ZC3H7B: variants seen among roughly 807,000 people sequenced by gnomAD.
The protein encoded by ZC3H7B is zinc finger CCCH-type containing 7B.
Under a neutral mutation model 116.0 loss-of-function variants are expected in ZC3H7B, and 35 were observed. The ratio of observed to expected loss-of-function variants is 0.30; its 90% CI spans 0.23 to 0.40. The LOEUF (loss-of-function observed/expected upper bound fraction) is 0.40, where lower values mean the gene tolerates loss of function less well. ZC3H7B is among the 10% of genes least tolerant of loss of function. The probability of loss-of-function intolerance (pLI) is 1.00; values close to 1 mark genes in which losing one functional copy is unlikely to be tolerated. For synonymous variants in ZC3H7B, 502 were observed against 545.6 expected (o/e 0.92, Z 1.11); for missense variants, 1,011 against 1,321.5 (o/e 0.77, Z 3.64).
chr22:41,312,936 T>C (rs1444204162), intron 1 of ZC3H7B, among the ~76,000 whole-genome samples: 2 of 152,082 alleles, frequency 1.3e-5, no homozygotes, highest in African/African-American at 4.8e-5. Context: ...ATTGAGTACA[T>C]GTGTAGGGAT....
At chr22:41,353,930 G>A (rs2036682867) in intron 17 of ZC3H7B, among the ~76,000 whole-genome samples, 1 of 152,230 alleles carries the variant, frequency 6.6e-6, no homozygotes, top group African/African-American at 2.4e-5. Context: ...GGGCTTATGG[G>A]ACCTTTGAAA....
At chr22:41,332,365 G>A (rs2036394595) in intron 7 of ZC3H7B, 138 bp downstream of exon 7, 8 of 1,051,764 alleles carry the variant, frequency 7.6e-6, no homozygotes, top group Non-Finnish European at 1.4e-6. Flanking sequence ...CGTGTCCACG[G>A]GGGCAGGATG....
intron 1 of ZC3H7B, among the ~76,000 whole-genome samples, chr22:41,318,413 C>T (rs1193446299): frequency 6.6e-6 from 1 of 151,280 alleles, no homozygotes; most frequent in African/African-American, 2.4e-5. Flanking sequence ...CCTGTAGTCC[C>T]AACTACTCGG....
At chr22:41,356,941 T>A in intron 22 of ZC3H7B, 133 bp downstream of exon 22, 1 of 1,352,626 alleles carries the variant, frequency 7.4e-7, no homozygotes, top group Non-Finnish European at 1.0e-6. Flanking sequence ...ACTGCAGCCA[T>A]GGGGGTGGTG....
chr22:41,342,667 G>C (rs774894987), intron 12 of ZC3H7B, 39 bp downstream of exon 12: 1 of 1,550,564 alleles, frequency 6.4e-7, no homozygotes, highest in African/African-American at 1.4e-5. Flanking sequence ...TCTGCCCAGA[G>C]AACTGGGAAT....
chr22:41,349,939 T>C lies in ZC3H7B; in HGVS notation c.1948+638T>C, dbSNP rs1345412952. ...CTGTCATCATTTAATTAGCAGCATT[T>C]TGTGGGGCGGGGATTTAAAATATGG... On this transcript the variant is annotated intron_variant, in intron 16 of 22. Coordinates refer to ENST00000352645, the MANE Select transcript of ZC3H7B (RefSeq NM_017590.6). This position sits in a 1 kb window ranked among gnomAD's most constrained non-coding sequence, Gnocchi z 4.9. Among the ~76,000 whole-genome samples the C allele has an allele frequency of 6.6e-6, 1 of 152,164 alleles. No individual in the cohort carries two copies. The highest frequency in any genetic ancestry group is 2.4e-5 in the African/African-American group (1 of 41,434).
In ZC3H7B at chr22:41,327,739, A is replaced by G. The variant is rs1267698558; in HGVS notation, c.444+375A>G. On this transcript the variant is annotated intron_variant, in intron 5 of 22. Coordinates refer to ENST00000352645, the MANE Select transcript of ZC3H7B (RefSeq NM_017590.6). The surrounding 1 kb of genome is among the most constrained non-coding windows in gnomAD (Gnocchi z 4.5). ...GGAGTTTGAGACCAGCCTGGCCAAC[A>G]TGGCAAAACCCCATCTCTACAAAAA... 6.6e-6 allele frequency among the ~76,000 whole-genome samples: 1 copy of G among 152,210 alleles called. No homozygotes were observed. The highest frequency in any genetic ancestry group is 2.4e-5 in the African/African-American group (1 of 41,450).
At chr22:41,341,960 G>C (rs974824776) in intron 11 of ZC3H7B, among the ~76,000 whole-genome samples, 1 of 151,930 alleles carries the variant, frequency 6.6e-6, no homozygotes, top group Non-Finnish European at 1.5e-5. Context: ...TACTCAGGAG[G>C]CTGAGGCAGG....
At chr22:41,309,345 G>A (rs771848598) in intron 1 of ZC3H7B, among the ~76,000 whole-genome samples, 3 of 147,428 alleles carry the variant, frequency 2.0e-5, no homozygotes, top group Admixed American at 6.9e-5. Context: ...ACAGAGTCTC[G>A]CTCTGTCGTC....
chr22:41,355,124 G>C (rs556036545), intron 17 of ZC3H7B, among the ~76,000 whole-genome samples: 21 of 152,340 alleles, frequency 1.4e-4, no homozygotes, highest in African/African-American at 5.0e-4. Flanking sequence ...AGAACAGGCT[G>C]GATGAAGAGT....
At chr22:41,314,034 C>T (rs986366514) in intron 1 of ZC3H7B, among the ~76,000 whole-genome samples, 6 of 151,232 alleles carry the variant, frequency 4.0e-5, no homozygotes, top group African/African-American at 1.5e-4. Context: ...GGATTATAGG[C>T]GTCAGCTACC....
intron 21 of ZC3H7B, 81 bp from the exon 22 acceptor site, chr22:41,356,564 G>A (rs570909956): frequency 1.3e-5 from 21 of 1,608,916 alleles, no homozygotes; most frequent in East Asian, 6.7e-5. Context: ...GGGCCCAGCC[G>A]GCCAGCGCTC....
Position 41,302,053 on chromosome 22 carries a change from G to C in ZC3H7B, c.-7+281G>C, listed in dbSNP as rs572150128. Reference sequence around the variant, plus strand: ...GTTACCGTGTGGCCGGGGGCACCTGGCGCTGGGGAGACTTGGCCGCCCCTG... The same window carrying C: ...GTTACCGTGTGGCCGGGGGCACCTGCCGCTGGGGAGACTTGGCCGCCCCTG... On this transcript the variant is annotated intron_variant, in intron 1 of 22. Coordinates refer to ENST00000352645, the MANE Select transcript of ZC3H7B (RefSeq NM_017590.6). This position sits in a 1 kb window ranked among gnomAD's most constrained non-coding sequence, Gnocchi z 5.7. Among the ~76,000 whole-genome samples the C allele has an allele frequency of 6.6e-6, 1 of 152,278 alleles. No homozygotes were observed. The highest frequency in any genetic ancestry group is 2.1e-4 in the South Asian group (1 of 4,826).
chr22:41,344,491 A>G (rs1371794228), intron 13 of ZC3H7B, among the ~76,000 whole-genome samples: 1 of 152,114 alleles, frequency 6.6e-6, no homozygotes, highest in African/African-American at 2.4e-5. Flanking sequence ...TGATTCCGTC[A>G]CACACGCTGT....
intron 7 of ZC3H7B, chr22:41,334,666 G>C (rs941173800): frequency 6.6e-6 from 1 of 152,338 alleles, no homozygotes; most frequent in African/African-American, 2.4e-5. Context: ...ATGCACAAAC[G>C]GAGTGCCCTA....
intron 1 of ZC3H7B, among the ~76,000 whole-genome samples, chr22:41,313,872 A>G (rs926663501): frequency 2.0e-5 from 3 of 150,906 alleles, no homozygotes; most frequent in Non-Finnish European, 3.0e-5. Flanking sequence ...TCAGCCTCCC[A>G]AGTAGCTGGG....
At chr22:41,341,790 G>A (rs893723810) in intron 11 of ZC3H7B, among the ~76,000 whole-genome samples, 4 of 151,872 alleles carry the variant, frequency 2.6e-5, no homozygotes, top group Middle Eastern at 3.4e-3. Context: ...GGGGCCAGGC[G>A]TGGTGGCTCA....
chr22:41,342,111 G>A lies in ZC3H7B; in HGVS notation c.1198-418G>A, dbSNP rs541647686. Among the ~76,000 whole-genome samples the A allele has an allele frequency of 9.2e-5, 14 of 151,886 alleles. No homozygotes were observed. In the East Asian group the frequency reaches 2.7e-3, roughly 29 times the overall value. On this transcript the variant is annotated intron_variant, in intron 11 of 22. Transcript: ENST00000352645. ...CTACACTCTGACCTACACTAGCTGT[G>A]TGGTCCTGGGGAATTTCCCTAACCT...
chr22:41,339,381 C>G (rs2036487878), intron 9 of ZC3H7B, among the ~76,000 whole-genome samples, 190 bp downstream of exon 9: 1 of 152,154 alleles, frequency 6.6e-6, no homozygotes, highest in South Asian at 2.1e-4. Flanking sequence ...AATCCCAATA[C>G]TTTGGGAGGC....
Sources: allele counts gnomAD v4.1 joint callset (sites outside exome capture counted in the v4.1 genomes callset), GRCh38; gene constraint gnomAD v4.1.1; non-coding constraint Gnocchi (gnomAD v3.1); transcripts MANE v1.5; gene names NCBI Gene and HGNC (gene_info 2026-07-23, HGNC 2026-07-21).